Variants in SSH1 observed in about 807,000 individuals in gnomAD.
SSH1 encodes protein phosphatase Slingshot homolog 1.
In SSH1, 43 loss-of-function variants were observed where a neutral mutation model predicts 79.7. That is an observed-to-expected ratio of 0.54 (90% CI 0.42 to 0.70). The LOEUF is 0.70. SSH1 is among the 30% of genes least tolerant of loss of function. SSH1 has a pLI of 0.00. For synonymous variants in SSH1, 599 were observed against 538.3 expected, an observed-to-expected ratio of 1.11 and a Z score of -1.56; for missense variants, 1,206 against 1,358.8, an observed-to-expected ratio of 0.89 and a Z score of 1.77.
chr12:108,815,404 T>C (rs1485001420), intron 5 of SSH1, among the ~76,000 whole-genome samples: 4 of 152,166 alleles, frequency 2.6e-5, no homozygotes, highest in South Asian at 2.1e-4. Context: ...GATCAAGACA[T>C]TGGGCACAGG....
At chr12:108,825,132 A>G (rs966911482) in intron 2 of SSH1, among the ~76,000 whole-genome samples, 7 of 152,246 alleles carry the variant, frequency 4.6e-5, no homozygotes, top group African/African-American at 1.2e-4. Context: ...GTAGGCAACT[A>G]TAAAAATTTC....
rs146369531 is a variant in SSH1, at chr12:108,809,837, G to A, written c.471-79C>T. 2,254 of 1,224,744 alleles carry A rather than the reference G, an allele frequency of 1.8e-3. 37 individuals are homozygous for A. The African/African-American group carries it at 0.031, about 17-fold the overall frequency. 75.9% of individuals were successfully genotyped at this position (1,224,744 alleles called of 1,614,324 possible). On this transcript the variant is annotated intron_variant, in intron 6 of 14. Coordinates refer to ENST00000326495, the MANE Select transcript of SSH1 (RefSeq NM_018984.4). ...AGTGAAATCACTCTGGGAGGAGGGA[G>A]CCAAACCACTGCGCACGCTGGGAAC...
At chr12:108,791,694 G>C (rs542263757) in intron 14 of SSH1, among the ~76,000 whole-genome samples, 1 of 152,320 alleles carries the variant, frequency 6.6e-6, no homozygotes, top group Non-Finnish European at 1.5e-5. Context: ...GGGAGGTCAA[G>C]GCTGCAGTGA....
intron 6 of SSH1, among the ~76,000 whole-genome samples, chr12:108,810,878 C>G (rs1468546258): frequency 6.6e-6 from 1 of 152,222 alleles, no homozygotes; most frequent in African/African-American, 2.4e-5. Flanking sequence ...CCTTGTACCC[C>G]CAAAGCTGGT....
intron 2 of SSH1, among the ~76,000 whole-genome samples, chr12:108,830,277 C>T (rs781607702): frequency 6.6e-6 from 1 of 152,124 alleles, no homozygotes; most frequent in Non-Finnish European, 1.5e-5. Context: ...CATGGTGAAA[C>T]CCAGTCTTTA....
intron 3 of SSH1, 50 bp downstream of exon 3, chr12:108,823,208 C>T (rs370859100): frequency 4.0e-6 from 6 of 1,500,668 alleles, no homozygotes; most frequent in Non-Finnish European, 5.4e-6. Flanking sequence ...GTTTCCTCTG[C>T]TGTCCAGAAA....
At position 108,787,794 on chromosome 12, in the gene SSH1, G is replaced by A. The variant is rs1239199384; in HGVS notation, c.*194C>T. On this transcript the variant is annotated 3_prime_UTR_variant, in exon 15 of 15. Coordinates refer to ENST00000326495, the MANE Select transcript of SSH1 (RefSeq NM_018984.4). Reference sequence around the variant, plus strand: ...CCTGGTTCTCCCAGGCCACACGACTGACAGCTCCCCTTCTTGTGCTGCATG... The same window carrying A: ...CCTGGTTCTCCCAGGCCACACGACTAACAGCTCCCCTTCTTGTGCTGCATG... 2 of 719,934 alleles carry A rather than the reference G, an allele frequency of 2.8e-6. No homozygotes were observed. Among genetic ancestry groups the A allele is most frequent in the Non-Finnish European group, 4.5e-6 (2 of 443,648 alleles). 44.6% of individuals were successfully genotyped at this position (719,934 alleles called of 1,614,324 possible).
intron 11 of SSH1, among the ~76,000 whole-genome samples, chr12:108,801,671 C>T (rs544186136): frequency 3.3e-5 from 5 of 149,754 alleles, no homozygotes; most frequent in Admixed American, 6.7e-5. Context: ...GATTTTTAAA[C>T]GTGGTAATTC....
chr12:108,787,951 G>A lies in SSH1; in HGVS notation c.*37C>T, dbSNP rs2136952860. The A allele has an allele frequency of 6.2e-7, 1 of 1,613,352 alleles. No individual in the cohort carries two copies. The highest frequency in any genetic ancestry group is 1.1e-5 in the South Asian group (1 of 91,038). ...AGTGAAAGTGAGGGAGGGATCATAT[G>A]AAAATATCCGCCCAGCCTGACGCAG... On this transcript the variant is annotated 3_prime_UTR_variant, in exon 15 of 15. Coordinates refer to ENST00000326495, the MANE Select transcript of SSH1 (RefSeq NM_018984.4).
chr12:108,795,966 G>A (rs1405527363), intron 13 of SSH1, among the ~76,000 whole-genome samples: 2 of 152,122 alleles, frequency 1.3e-5, no homozygotes, highest in Non-Finnish European at 2.9e-5. Flanking sequence ...GGAGTGCAGT[G>A]ATGCGATCAT....
At chr12:108,817,553 C>A (rs1303429454) in intron 4 of SSH1, among the ~76,000 whole-genome samples, 1 of 152,130 alleles carries the variant, frequency 6.6e-6, no homozygotes, top group Non-Finnish European at 1.5e-5. Context: ...CCAGCCAGAG[C>A]GACAGAGTGA....
chr12:108,788,633 C>A lies in SSH1; in HGVS notation c.2505G>T (p.Val835=). Residue 835 remains valine, a synonymous_variant, in exon 15 of 15, where the codon GTG becomes GTT. Coordinates refer to ENST00000326495, the MANE Select transcript of SSH1 (RefSeq NM_018984.4). The part of the protein sequence containing the change: ...HTKELERLKS[V]PADPAPPSRD... ...TGGAGGGAGGTGCTGGGTCTGCAGG[C>A]ACGCTCTTCAGCCGCTCTAGCTCTT... 1 of 1,612,906 alleles carries A rather than the reference C, an allele frequency of 6.2e-7. No homozygotes were observed. Among genetic ancestry groups the A allele is most frequent in the Non-Finnish European group, 8.5e-7 (1 of 1,179,076 alleles).
chr12:108,846,228 C>A (rs1176540061), intron 2 of SSH1, among the ~76,000 whole-genome samples: 1 of 152,034 alleles, frequency 6.6e-6, no homozygotes, highest in African/African-American at 2.4e-5. Flanking sequence ...CTAGGGCAGG[C>A]AATCACAAAT....
At chr12:108,847,815 T>C (rs555715398) in intron 2 of SSH1, among the ~76,000 whole-genome samples, 1 of 152,218 alleles carries the variant, frequency 6.6e-6, no homozygotes, top group South Asian at 2.1e-4. Flanking sequence ...ACTAAGGGAT[T>C]TGAGAGCAGT....
intron 2 of SSH1, chr12:108,827,632 G>C (rs952133045): frequency 1.1e-5 from 12 of 1,103,464 alleles, no homozygotes; most frequent in Non-Finnish European, 1.4e-5. Flanking sequence ...GCACTCCTAC[G>C]GGCTTTTCTG....
intron 13 of SSH1, among the ~76,000 whole-genome samples, chr12:108,793,997 A>G (rs2036630683): frequency 6.6e-6 from 1 of 152,098 alleles, no homozygotes; most frequent in Non-Finnish European, 1.5e-5. Context: ...GGTCAGTGAG[A>G]TGCTCGCTCT....
chr12:108,838,660 T>C (rs2038700982), intron 2 of SSH1, among the ~76,000 whole-genome samples: 1 of 152,276 alleles, frequency 6.6e-6, no homozygotes, highest in Middle Eastern at 3.4e-3. Context: ...CCCAGGGTAA[T>C]TGGTGGGATA....
Position 108,832,869 on chromosome 12 carries a change from C to G in SSH1, c.111-9508G>C, listed in dbSNP as rs147717131. ...AACCGGAGCTCCCAAATTGTACCCC[C>G]CTAAACACATAATGCTGAGCATAGA... On this transcript the variant is annotated intron_variant, in intron 2 of 14. Transcript: ENST00000326495. Among the ~76,000 whole-genome samples the G allele has an allele frequency of 4.6e-5, 7 of 152,272 alleles. 1 individual carries two copies. The East Asian group carries it at 1.2e-3, about 25-fold the overall frequency.
At chr12:108,816,998 C>T in intron 5 of SSH1, 40 bp downstream of exon 5, 1 of 1,612,074 alleles carries the variant, frequency 6.2e-7, no homozygotes, top group Non-Finnish European at 8.5e-7. Context: ...GCAACTCTTG[C>T]CTCCCTCACA....
Sources: allele counts gnomAD v4.1 joint callset (sites outside exome capture counted in the v4.1 genomes callset), GRCh38; gene constraint gnomAD v4.1.1; transcripts MANE v1.5; gene names NCBI Gene and HGNC (gene_info 2026-07-23, HGNC 2026-07-21).